Variants in SAMD12 observed in about 807,000 individuals in gnomAD.
The protein encoded by SAMD12 is sterile alpha motif domain containing 12.
SAMD12 carries 9 observed loss-of-function variants against 15.0 expected under a neutral mutation model. That is an observed-to-expected ratio of 0.60 (90% CI 0.36 to 1.05). The LOEUF (loss-of-function observed/expected upper bound fraction) is 1.05. SAMD12 is among the 50% of genes least tolerant of loss of function. The pLI is 0.01. For synonymous variants in SAMD12, 86 were observed against 90.1 expected (o/e 0.96, Z 0.25); for missense variants, 230 against 234.2 (o/e 0.98, Z 0.12).
chr8:118,310,544 G>T (rs1249423593), intron 4 of SAMD12, among the ~76,000 whole-genome samples: 1 of 152,208 alleles, frequency 6.6e-6, no homozygotes, highest in Admixed American at 6.5e-5. Context: ...GACTACATGG[G>T]TATCCAGAGG....
In SAMD12 at chr8:118,545,354, C is replaced by T. The variant is rs184236771; in HGVS notation, c.192+35361G>A. Among the ~76,000 whole-genome samples, 6 of 152,186 alleles carry T rather than the reference C, an allele frequency of 3.9e-5. No individual in the cohort carries two copies. In the East Asian group the frequency reaches 9.7e-4, roughly 25 times the overall value. On this transcript the variant is annotated intron_variant, in intron 2 of 3. Transcript: ENST00000314727. ...TAGTGGCAGGCACCTGTAATCCCAG[C>T]TACTGGGGAGGCTGAGGCAGGAGAA...
chr8:118,330,303 T>C (rs904226225), intron 4 of SAMD12, among the ~76,000 whole-genome samples: 1 of 152,210 alleles, frequency 6.6e-6, no homozygotes, highest in Non-Finnish European at 1.5e-5. Flanking sequence ...CAAAGTTCTA[T>C]TGCTGGGGCT....
intron 4 of SAMD12, among the ~76,000 whole-genome samples, chr8:118,361,502 A>G (rs1818497740): frequency 1.3e-5 from 2 of 152,212 alleles, no homozygotes; most frequent in Admixed American, 6.5e-5. Flanking sequence ...TAATCCTTTA[A>G]TATTTTTGGA....
chr8:118,528,084 T>C (rs1272924453), intron 2 of SAMD12, among the ~76,000 whole-genome samples: 2 of 152,176 alleles, frequency 1.3e-5, no homozygotes, highest in East Asian at 1.9e-4. Flanking sequence ...TGGAATGCAG[T>C]GGCATGATCT....
chr8:118,561,871 A>G (rs1368897079), intron 2 of SAMD12, among the ~76,000 whole-genome samples: 1 of 152,234 alleles, frequency 6.6e-6, no homozygotes, highest in Non-Finnish European at 1.5e-5. Context: ...TTAGTGTGTT[A>G]AAGTTTATGG....
the SAMD12 span, among the ~76,000 whole-genome samples, chr8:118,163,809 A>C: frequency 6.6e-5 from 10 of 152,124 alleles, no homozygotes; most frequent in Admixed American, 6.5e-4. Flanking sequence ...CTGGAGGCAG[A>C]GCTTGCAGTG....
chr8:118,497,923 A>G (rs1488008234), intron 2 of SAMD12, among the ~76,000 whole-genome samples: 1 of 152,188 alleles, frequency 6.6e-6, no homozygotes, highest in Admixed American at 6.5e-5. Context: ...CAGAGGAGAC[A>G]TCAATTAAAC....
chr8:118,579,297 C>T (rs1304543843), intron 2 of SAMD12, among the ~76,000 whole-genome samples: 5 of 152,086 alleles, frequency 3.3e-5, no homozygotes, highest in East Asian at 3.8e-4. Flanking sequence ...ACCCTTAAGG[C>T]GTTTTTTCCT....
intron 4 of SAMD12, among the ~76,000 whole-genome samples, chr8:118,319,857 C>T (rs1457211441): frequency 1.3e-5 from 2 of 152,104 alleles, no homozygotes; most frequent in South Asian, 4.1e-4. Flanking sequence ...TTTGAGATGC[C>T]TCTGGGATAG....
intron 2 of SAMD12, among the ~76,000 whole-genome samples, chr8:118,566,051 G>A (rs1380795920): frequency 6.6e-6 from 1 of 152,198 alleles, no homozygotes; most frequent in Non-Finnish European, 1.5e-5. Flanking sequence ...AGCAGCTAGA[G>A]TCTTCTCTTT....
At chr8:118,406,225 T>C (rs1821122181) in intron 3 of SAMD12, among the ~76,000 whole-genome samples, 3 of 152,048 alleles carry the variant, frequency 2.0e-5, no homozygotes, top group African/African-American at 4.8e-5. Context: ...TTTTTTTTAA[T>C]GGTAGAAATA....
chr8:118,206,153 G>A (rs1228373615), intron 4 of SAMD12, among the ~76,000 whole-genome samples: 2 of 152,148 alleles, frequency 1.3e-5, no homozygotes, highest in Non-Finnish European at 2.9e-5. Flanking sequence ...TGTCCAGCTT[G>A]TCTCCATTTC....
intron 1 of SAMD12, among the ~76,000 whole-genome samples, chr8:118,604,552 G>A (rs188253685): frequency 1.1e-4 from 17 of 152,246 alleles, no homozygotes; most frequent in Middle Eastern, 3.4e-3. Context: ...TGACTAAACA[G>A]ACCAGACCAA....
intron 3 of SAMD12, among the ~76,000 whole-genome samples, chr8:118,432,174 A>C (rs1822437228): frequency 6.6e-6 from 1 of 152,214 alleles, no homozygotes; most frequent in South Asian, 2.1e-4. Flanking sequence ...TAGTACCTTT[A>C]ACATATTGAT....
downstream of SAMD12, among the ~76,000 whole-genome samples, chr8:118,187,878 T>A (rs934099097): frequency 1.3e-5 from 2 of 152,170 alleles, no homozygotes; most frequent in African/African-American, 4.8e-5. Context: ...AGAAAAAACA[T>A]GGCACCAAGT....
At chr8:118,575,094 A>G (rs907821988) in intron 2 of SAMD12, among the ~76,000 whole-genome samples, 1 of 152,046 alleles carries the variant, frequency 6.6e-6, no homozygotes, top group South Asian at 2.1e-4. Context: ...CCTGCAGTCA[A>G]CTCTCATTTA....
intron 2 of SAMD12, among the ~76,000 whole-genome samples, chr8:118,459,248 T>C (rs1823346357): frequency 6.6e-6 from 1 of 152,070 alleles, no homozygotes. Flanking sequence ...GTATTTTTAG[T>C]GGAAACGGGG....
chr8:118,304,922 A>G (rs7819713), intron 4 of SAMD12, among the ~76,000 whole-genome samples: 72,474 of 150,966 alleles, frequency 0.48, 19,937 homozygotes, highest in African/African-American at 0.77. Context: ...GCTGAGGCGG[A>G]TGCATCACTT....
At chr8:118,132,990 A>AT in the SAMD12 span, among the ~76,000 whole-genome samples, 11 of 75,404 alleles carry the variant, frequency 1.5e-4, no homozygotes, top group Non-Finnish European at 2.0e-4. Flanking sequence ...ATATATATAT[A>AT]TATATATATA....
Sources: allele counts gnomAD v4.1 joint callset (sites outside exome capture counted in the v4.1 genomes callset), GRCh38; gene constraint gnomAD v4.1.1; transcripts MANE v1.5; gene names NCBI Gene and HGNC (gene_info 2026-07-23, HGNC 2026-07-21).